Variants in SLFN12L observed in about 807,000 individuals in gnomAD.
The protein encoded by SLFN12L is schlafen family member 12 like, also known as schlafen family member 12-like.
A neutral mutation model predicts 34.8 loss-of-function variants in SLFN12L; 34 were observed. That is an observed-to-expected ratio of 0.98 (90% CI 0.74 to 1.30). SLFN12L has a LOEUF of 1.30. Ranked by LOEUF, SLFN12L falls within the 50% of genes most tolerant of loss-of-function variation. SLFN12L has a pLI of 0.00. For missense variants in SLFN12L, 703 were observed against 696.2 expected (o/e 1.01, Z -0.11); for synonymous variants, 259 against 247.5 (o/e 1.05, Z -0.44).
At chr17:35,534,856 A>AATCTCT (rs1455498490) in intron 1 of SLFN12L, among the ~76,000 whole-genome samples, 1 of 152,202 alleles carries the variant, frequency 6.6e-6, no homozygotes, top group Non-Finnish European at 1.5e-5. Context: ...CAAAAGCAGA[A>AATCTCT]ATCTCTATCA....
Position 35,479,500 on chromosome 17 carries a change from G to A in SLFN12L, c.782C>T (p.Thr261Ile). 1 of 1,614,150 alleles carries A rather than the reference G, an allele frequency of 6.2e-7. No homozygotes were observed. The highest frequency in any genetic ancestry group is 2.2e-5 in the East Asian group (1 of 44,890). Residue 261 changes from threonine (T) to isoleucine (I), a missense_variant, in exon 3 of 5, where the codon ACA (threonine) becomes ATA (isoleucine). By Grantham distance (89) the Thr-to-Ile change is moderately conservative. Transcript: ENST00000628453. ...AGAAACATATTGAGGGAGAATCTCT[G>A]TAATTCGTTGTAACAACTTTTCAGT... ...FSTEKLLQRI[T>I]EILPQYVSAF...
chr17:35,500,715 C>T (rs959064701), intron 2 of SLFN12L, among the ~76,000 whole-genome samples: 21 of 145,108 alleles, frequency 1.4e-4, no homozygotes, highest in Admixed American at 1.1e-3. Flanking sequence ...GGTGACAGAG[C>T]GAGACTCTGT....
chr17:35,533,519 G>C (rs889969535), intron 1 of SLFN12L, among the ~76,000 whole-genome samples: 4 of 152,196 alleles, frequency 2.6e-5, no homozygotes, highest in Non-Finnish European at 5.9e-5. Flanking sequence ...GGCAGTTGGA[G>C]AGGGAATGGG....
At chr17:35,533,275 G>T (rs2072428565) in intron 1 of SLFN12L, among the ~76,000 whole-genome samples, 2 of 152,142 alleles carry the variant, frequency 1.3e-5, no homozygotes, top group African/African-American at 4.8e-5. Context: ...CTCAATTGTT[G>T]AAATTGCTCT....
At position 35,475,152 on chromosome 17, in the gene SLFN12L, A is replaced by G; in HGVS notation, c.1610T>C (p.Met537Thr). 6.2e-7 allele frequency: 1 copy of G among 1,614,206 alleles called. No homozygotes were observed. The highest frequency in any genetic ancestry group is 1.1e-5 in the South Asian group (1 of 91,084). ...AGGGCTCAAGTAGAAGATCTTTGTCATGACACACACTTTTTTAGTGTAACC... is the reference window on the plus strand; with the variant it reads ...AGGGCTCAAGTAGAAGATCTTTGTCGTGACACACACTTTTTTAGTGTAACC... The part of the protein sequence containing the change: ...IGGYTKKVCV[M>T]TKIFYLSPEG... Residue 537 changes from methionine (M) to threonine (T), a missense_variant, in exon 5 of 5, where the codon ATG becomes ACG. Coordinates refer to ENST00000628453, the MANE Select transcript of SLFN12L (RefSeq NM_001363830.2).
intron 2 of SLFN12L, chr17:35,490,231 G>C: frequency 6.4e-7 from 1 of 1,569,030 alleles, no homozygotes; most frequent in Admixed American, 1.7e-5. Flanking sequence ...GAAGTCTGGA[G>C]CTAGGAGAAA....
At chr17:35,503,930 C>A (rs1199900172) in intron 2 of SLFN12L, among the ~76,000 whole-genome samples, 2 of 152,094 alleles carry the variant, frequency 1.3e-5, no homozygotes, top group African/African-American at 4.8e-5. Context: ...CAAGAAAGCA[C>A]CACCCCCTCC....
intron 1 of SLFN12L, among the ~76,000 whole-genome samples, chr17:35,528,758 A>G (rs2072362535): frequency 6.6e-6 from 1 of 152,258 alleles, no homozygotes; most frequent in Non-Finnish European, 1.5e-5. Flanking sequence ...AAACCTAGGC[A>G]ATAACATCCA....
chr17:35,465,499 A>G lies in SLFN12L; in HGVS notation c.*9424T>C, dbSNP rs1374546337. On this transcript the variant is annotated 3_prime_UTR_variant, in exon 5 of 5. Coordinates refer to ENST00000628453, the MANE Select transcript of SLFN12L (RefSeq NM_001363830.2). ...TCAAAAATTGGCTTGATAAAATAGG[A>G]TTATATAAATCCCATTAAAATAGTT... Among the ~76,000 whole-genome samples, 1 of 152,038 alleles carries G rather than the reference A, an allele frequency of 6.6e-6. No homozygotes were observed. Among genetic ancestry groups the G allele is most frequent in the Admixed American group, 6.6e-5 (1 of 15,256 alleles).
intron 1 of SLFN12L, among the ~76,000 whole-genome samples, chr17:35,535,429 T>G (rs746083292): frequency 2.0e-5 from 3 of 151,446 alleles, no homozygotes; most frequent in Non-Finnish European, 4.4e-5. Context: ...ACTCCCGACC[T>G]CAGGTGATCC....
In SLFN12L at chr17:35,469,703, T is replaced by A. The variant is rs1223186841; in HGVS notation, c.*5220A>T. The stretch of plus-strand genomic sequence containing the variant: ...TCCATTAATCACAGGGCCAAACTAA[T>A]GGCCAACATTCTTTACATCCCCGCT... On this transcript the variant is annotated 3_prime_UTR_variant, in exon 5 of 5. Coordinates refer to ENST00000628453, the MANE Select transcript of SLFN12L (RefSeq NM_001363830.2). 6.6e-6 allele frequency among the ~76,000 whole-genome samples: 1 copy of A among 152,096 alleles called. No individual in the cohort carries two copies. The highest frequency in any genetic ancestry group is 1.5e-5 in the Non-Finnish European group (1 of 68,022).
At chr17:35,515,596 G>A (rs988999416) in intron 2 of SLFN12L, among the ~76,000 whole-genome samples, 9 of 149,278 alleles carry the variant, frequency 6.0e-5, no homozygotes, top group Non-Finnish European at 8.9e-5. Flanking sequence ...AGCCTTCTGC[G>A]TAGCTGGGAT....
intron 1 of SLFN12L, among the ~76,000 whole-genome samples, chr17:35,530,508 G>GAAAAGA (rs201455748): frequency 1.7e-3 from 57 of 32,646 alleles, no homozygotes; most frequent in Non-Finnish European, 3.4e-3. Flanking sequence ...AAGAAAGAAA[G>GAAAAGA]AAAGAAAAGA....
In SLFN12L at chr17:35,469,015, T is replaced by A. The variant is rs574901105; in HGVS notation, c.*5908A>T. On this transcript the variant is annotated 3_prime_UTR_variant, in exon 5 of 5. Coordinates refer to ENST00000628453, the MANE Select transcript of SLFN12L (RefSeq NM_001363830.2). ...TCGGTGACAAGGGCAAGACCCTGTG[T>A]CTAAAAAGATAACAAAAATTAATGG... is the stretch of plus-strand genomic sequence containing the variant. 1.3e-5 allele frequency among the ~76,000 whole-genome samples: 2 copies of A among 152,056 alleles called. No individual in the cohort carries two copies. Among genetic ancestry groups the A allele is most frequent in the East Asian group, 3.9e-4 (2 of 5,168 alleles).
Position 35,473,983 on chromosome 17 carries a change from G to C in SLFN12L, c.*940C>G, listed in dbSNP as rs1474687002. ...GCCCAAGCTGGAGTGCAGTGGTGTGGTCTTGGCTCACTGTAACCTCCACTT... is the reference window on the plus strand; with the variant it reads ...GCCCAAGCTGGAGTGCAGTGGTGTGCTCTTGGCTCACTGTAACCTCCACTT... On this transcript the variant is annotated 3_prime_UTR_variant, in exon 5 of 5. Transcript: ENST00000628453. 1 of 152,180 alleles carries C rather than the reference G, an allele frequency of 6.6e-6. No individual in the cohort carries two copies. Among genetic ancestry groups the C allele is most frequent in the Non-Finnish European group, 1.5e-5 (1 of 68,052 alleles). The allele number at this position is 152,180 out of a possible 1,614,324, so 9.4% of individuals were successfully genotyped here.
At position 35,464,872 on chromosome 17, in the gene SLFN12L, C is replaced by T. The variant is rs998269921; in HGVS notation, c.*10051G>A. Among the ~76,000 whole-genome samples the T allele has an allele frequency of 1.3e-5, 2 of 151,900 alleles. No homozygotes were observed. Among genetic ancestry groups the T allele is most frequent in the African/African-American group, 4.8e-5 (2 of 41,360 alleles). ...TTAGAACTGTAAGGTTTTTTGTTTT[C>T]TGTTTTTTGCTTTTTTTAGAGAGAG... On this transcript the variant is annotated 3_prime_UTR_variant, in exon 5 of 5. Coordinates refer to ENST00000628453, the MANE Select transcript of SLFN12L (RefSeq NM_001363830.2).
intron 1 of SLFN12L, among the ~76,000 whole-genome samples, chr17:35,530,532 GAAAAGA>G (rs763075805): frequency 0.011 from 1,138 of 103,338 alleles, 122 homozygotes; most frequent in South Asian, 0.032. Flanking sequence ...GAAAAGAAAA[GAAAAGA>G]AAAGAAAGAA....
intron 2 of SLFN12L, among the ~76,000 whole-genome samples, chr17:35,482,304 G>A (rs1253687164): frequency 6.6e-6 from 1 of 152,252 alleles, no homozygotes; most frequent in South Asian, 2.1e-4. Context: ...GATCCCTCAT[G>A]AATGAGATTA....
chr17:35,489,277 T>C (rs1914736247), intron 2 of SLFN12L, among the ~76,000 whole-genome samples: 1 of 151,320 alleles, frequency 6.6e-6, no homozygotes, highest in Non-Finnish European at 1.5e-5. Flanking sequence ...TCCTATACCG[T>C]GGCAGTGGCT....
Sources: allele counts gnomAD v4.1 joint callset (sites outside exome capture counted in the v4.1 genomes callset), GRCh38; gene constraint gnomAD v4.1.1; transcripts MANE v1.5; gene names NCBI Gene and HGNC (gene_info 2026-07-23, HGNC 2026-07-21).